TRAF2: variants seen among roughly 807,000 people sequenced by gnomAD.
TRAF2 encodes the protein TNF receptor-associated factor 2.
TRAF2 carries 6 observed loss-of-function variants against 55.6 expected under a neutral mutation model. The ratio of observed to expected loss-of-function variants is 0.11; its 90% CI spans 0.06 to 0.21. The LOEUF (loss-of-function observed/expected upper bound fraction) is 0.21, where lower values mean the gene tolerates loss of function less well. Among genes scored for constraint, TRAF2 ranks in the 10% least tolerant of loss-of-function variants. The pLI is 1.00. For synonymous variants in TRAF2, 329 were observed against 276.3 expected, an observed-to-expected ratio of 1.19 and a Z score of -1.89; for missense variants, 561 against 684.5, an observed-to-expected ratio of 0.82 and a Z score of 2.01.
At chr9:136,909,491 G>A (rs1188989828) in intron 5 of TRAF2, among the ~76,000 whole-genome samples, 3 of 152,152 alleles carry the variant, frequency 2.0e-5, no homozygotes, top group Non-Finnish European at 4.4e-5. Flanking sequence ...GGACGGGCCT[G>A]ACCATAGCAC....
chr9:136,890,195 G>A (rs1460211484), intron 1 of TRAF2, among the ~76,000 whole-genome samples: 1 of 150,850 alleles, frequency 6.6e-6, no homozygotes, highest in Non-Finnish European at 1.5e-5. Context: ...GTCGGTCACC[G>A]CATGTGTGAG....
intron 5 of TRAF2, among the ~76,000 whole-genome samples, chr9:136,909,226 T>C (rs1850038439): frequency 8.4e-5 from 1 of 11,908 alleles, no homozygotes; most frequent in Non-Finnish European, 1.6e-4. Flanking sequence ...CCCAAAGCGT[T>C]GGTGAGAATA....
At chr9:136,916,087 A>G (rs1850234611) in intron 6 of TRAF2, among the ~76,000 whole-genome samples, 1 of 152,046 alleles carries the variant, frequency 6.6e-6, no homozygotes, top group Non-Finnish European at 1.5e-5. Context: ...TTCCTGTTGT[A>G]TGTGAGTGTC....
rs1420902509 is a variant in TRAF2 at position 136,898,799 on chromosome 9, C to G, written c.59C>G (p.Ser20Cys). Residue 20 changes from serine to cysteine, a missense_variant, in exon 2 of 11, where the codon TCC becomes TGC. Coordinates refer to ENST00000247668, the MANE Select transcript of TRAF2 (RefSeq NM_021138.4). ...CTGGAGTTGCTACAGCCCGGCTTCT[C>G]CAAGACCCTCCTGGGGACCAAGCTG... The part of the protein sequence containing the change: ...GSLELLQPGF[S>C]KTLLGTKLEA... 2.5e-6 allele frequency: 4 copies of G among 1,613,740 alleles called. No homozygotes were observed. Among genetic ancestry groups the G allele is most frequent in the Non-Finnish European group, 3.4e-6 (4 of 1,180,038 alleles).
chr9:136,898,461 T>G, intron 1 of TRAF2: 3 of 387,468 alleles, frequency 7.7e-6, no homozygotes, highest in Non-Finnish European at 1.1e-5. Flanking sequence ...GAGCTGTGGG[T>G]TGGTTGTGTG....
intron 1 of TRAF2, among the ~76,000 whole-genome samples, chr9:136,893,701 C>T (rs1274414888): frequency 6.6e-6 from 1 of 152,142 alleles, no homozygotes; most frequent in Non-Finnish European, 1.5e-5. Context: ...GTTTTTCTGA[C>T]TTAAAAAGCA....
intron 1 of TRAF2, among the ~76,000 whole-genome samples, chr9:136,890,180 G>T (rs971704605): frequency 7.0e-6 from 1 of 142,548 alleles, no homozygotes; most frequent in Non-Finnish European, 1.5e-5. Context: ...CCGCACGCTC[G>T]TTCAGTCGGT....
chr9:136,908,367 C>G, intron 5 of TRAF2, 136 bp downstream of exon 5: 1 of 996,226 alleles, frequency 1.0e-6, no homozygotes, highest in Non-Finnish European at 1.4e-6. Context: ...TGGAGACACG[C>G]GGGCGGATGT....
At chr9:136,900,617 C>G (rs758900739) in intron 4 of TRAF2, 97 bp downstream of exon 4, 2 of 941,252 alleles carry the variant, frequency 2.1e-6, no homozygotes, top group African/African-American at 3.2e-5. Flanking sequence ...GCACGTTCCT[C>G]TCACTGGGGC....
chr9:136,903,125 A>G (rs1171086760), intron 4 of TRAF2, among the ~76,000 whole-genome samples: 3 of 151,904 alleles, frequency 2.0e-5, no homozygotes, highest in Non-Finnish European at 4.4e-5. Context: ...AATTTTTTAT[A>G]TTTCTAGTAG....
At chr9:136,886,590 C>T (rs978743181) in intron 1 of TRAF2, 49 bp downstream of exon 1, 1 of 932,514 alleles carries the variant, frequency 1.1e-6, no homozygotes, top group Non-Finnish European at 1.3e-6. Context: ...GGCGCGGGGT[C>T]GGGTGCGGGG....
At chr9:136,909,718 CAAACAA>C (rs1387957654) in intron 5 of TRAF2, among the ~76,000 whole-genome samples, 196 bp from the exon 6 acceptor site, 1 of 152,204 alleles carries the variant, frequency 6.6e-6, no homozygotes, top group South Asian at 2.1e-4. Context: ...GCTGGCAGAA[CAAACAA>C]AGCGTTAAGA....
rs1489722053 is a variant in TRAF2 at position 136,900,517 on chromosome 9, C to T, written c.363C>T (p.Tyr121=). 7 of 1,613,692 alleles carry T rather than the reference C, an allele frequency of 4.3e-6. No individual in the cohort carries two copies. The highest frequency in any genetic ancestry group is 1.1e-5 in the South Asian group (1 of 91,052). The change falls in exon 4 of 11, where the codon TAC becomes TAT. Residue 121 remains tyrosine (Y), a synonymous_variant. Coordinates refer to ENST00000247668, the MANE Select transcript of TRAF2 (RefSeq NM_021138.4). ...GCTWKGTLKE[Y]ESCHEGRCPL... ...CCTGGAAGGGGACCCTGAAAGAATACGAGGTAAAGATGCCTGCGTGTGGCA... is the reference window on the plus strand; with the variant it reads ...CCTGGAAGGGGACCCTGAAAGAATATGAGGTAAAGATGCCTGCGTGTGGCA...
intron 1 of TRAF2, among the ~76,000 whole-genome samples, chr9:136,895,752 A>G (rs2811759): frequency 0.81 from 122,871 of 151,482 alleles, 50,168 homozygotes; most frequent in African/African-American, 0.9. Context: ...GGGAGGCTGA[A>G]GCATGAGAAT....
rs368057148 is a variant in TRAF2, at chr9:136,904,496, C to T, written c.367-3574C>T. On this transcript the variant is annotated intron_variant, in intron 4 of 10. Coordinates refer to ENST00000247668, the MANE Select transcript of TRAF2 (RefSeq NM_021138.4). ...TCCCGGCTCACTGCAAGCTCCACCT[C>T]CCACGTTCACGCCATTCTTCTGCCT... Among the ~76,000 whole-genome samples the T allele has an allele frequency of 2.3e-3, 357 of 152,344 alleles. 2 individuals are homozygous for T. The highest frequency in any genetic ancestry group is 8.2e-3 in the African/African-American group (343 of 41,576).
At chr9:136,916,703 C>A in intron 7 of TRAF2, 88 bp downstream of exon 7, 1 of 1,318,068 alleles carries the variant, frequency 7.6e-7, no homozygotes, top group Non-Finnish European at 1.1e-6. Context: ...TGGTTTCCTT[C>A]CAGCTGCTCC....
intron 6 of TRAF2, 182 bp downstream of exon 6, chr9:136,910,176 G>A (rs542568587): frequency 7.6e-5 from 50 of 653,678 alleles, no homozygotes; most frequent in African/African-American, 5.7e-4. Context: ...TGAGTGGGCC[G>A]GGGGCCAGGT....
At chr9:136,911,299 G>A (rs974955784) in intron 6 of TRAF2, among the ~76,000 whole-genome samples, 4 of 135,722 alleles carry the variant, frequency 2.9e-5, no homozygotes, top group African/African-American at 1.2e-4. Context: ...ACAGAGTTTC[G>A]CTCTTGTTGC....
intron 4 of TRAF2, among the ~76,000 whole-genome samples, chr9:136,905,440 A>G (rs969149681): frequency 6.6e-6 from 1 of 152,200 alleles, no homozygotes; most frequent in Non-Finnish European, 1.5e-5. Context: ...GGGCTGGAGC[A>G]GGGGAATGGG....
Sources: gnomAD v4.1 joint callset for allele counts (sites outside exome capture counted in the v4.1 genomes callset) on GRCh38, gnomAD v4.1.1 for gene constraint, MANE v1.5 for transcripts, NCBI Gene and HGNC (gene_info 2026-07-23, HGNC 2026-07-21) for gene names.